Variants in ADAMTS18 observed in about 807,000 individuals in gnomAD.
The protein encoded by ADAMTS18 is A disintegrin and metalloproteinase with thrombospondin motifs 18.
Under a neutral mutation model 165.9 loss-of-function variants are expected in ADAMTS18, and 157 were observed. The observed-to-expected ratio is 0.95, with a 90% confidence interval of 0.83 to 1.08. The LOEUF is 1.08. Among genes scored for constraint, ADAMTS18 ranks in the 50% least tolerant of loss-of-function variants. ADAMTS18 has a pLI of 0.00. For synonymous variants in ADAMTS18, 782 were observed against 578.2 expected (o/e 1.35, Z -5.06); for missense variants, 2,040 against 1,534.0 (o/e 1.33, Z -5.51).
At chr16:77,404,779 A>G (rs1164862464) in intron 3 of ADAMTS18, among the ~76,000 whole-genome samples, 1 of 152,150 alleles carries the variant, frequency 6.6e-6, no homozygotes, top group Non-Finnish European at 1.5e-5. Context: ...AGCTGCAAAG[A>G]TGAGAATAAT....
intron 16 of ADAMTS18, among the ~76,000 whole-genome samples, chr16:77,309,694 C>T (rs28656999): frequency 1.3e-5 from 2 of 152,164 alleles, no homozygotes; most frequent in Non-Finnish European, 2.9e-5. Context: ...GCACTTATTT[C>T]TTGGGGTTAA....
chr16:77,410,292 G>GA (rs11376240), intron 3 of ADAMTS18, among the ~76,000 whole-genome samples: 76,439 of 141,178 alleles, frequency 0.54, 20,167 homozygotes, highest in Middle Eastern at 0.62. Context: ...ACCCAAATTT[G>GA]AAAAAAAAAA....
chr16:77,401,990 G>C (rs184119687), intron 3 of ADAMTS18, among the ~76,000 whole-genome samples: 117 of 152,220 alleles, frequency 7.7e-4, no homozygotes, highest in Non-Finnish European at 1.4e-3. Flanking sequence ...TCGGACTCAG[G>C]TCAAATCACA....
chr16:77,324,866 A>G (rs1415825039), intron 13 of ADAMTS18, among the ~76,000 whole-genome samples: 1 of 152,146 alleles, frequency 6.6e-6, no homozygotes, highest in Non-Finnish European at 1.5e-5. Flanking sequence ...ACTTCCTCCT[A>G]AGACACAGCT....
At chr16:77,297,612 A>G (rs1282707189) in intron 17 of ADAMTS18, among the ~76,000 whole-genome samples, 197 bp from the exon 18 acceptor site, 3 of 152,122 alleles carry the variant, frequency 2.0e-5, no homozygotes, top group African/African-American at 7.2e-5. Flanking sequence ...AATATATTTT[A>G]TATTTTAATA....
chr16:77,285,200 T>G (rs1010138993), intron 22 of ADAMTS18, among the ~76,000 whole-genome samples: 3 of 152,090 alleles, frequency 2.0e-5, no homozygotes, highest in African/African-American at 4.8e-5. Flanking sequence ...GAGATGGAAT[T>G]TTGCTCTTGT....
chr16:77,304,575 G>A (rs982753891), intron 16 of ADAMTS18, among the ~76,000 whole-genome samples: 2 of 152,178 alleles, frequency 1.3e-5, no homozygotes, highest in South Asian at 2.1e-4. Context: ...ACTTGAAAAT[G>A]AGGATCCTCA....
At chr16:77,347,527 T>C (rs1406501221) in intron 10 of ADAMTS18, among the ~76,000 whole-genome samples, 1 of 152,204 alleles carries the variant, frequency 6.6e-6, no homozygotes, top group Admixed American at 6.5e-5. Flanking sequence ...TGCCCCATTA[T>C]AATTTCTTTT....
chr16:77,357,498 T>A (rs1193613237), intron 8 of ADAMTS18, among the ~76,000 whole-genome samples: 3 of 152,162 alleles, frequency 2.0e-5, no homozygotes, highest in African/African-American at 7.2e-5. Flanking sequence ...CCTTTCTAAA[T>A]ATATTTGTGA....
chr16:77,367,262 T>C (rs1264109562), intron 4 of ADAMTS18, among the ~76,000 whole-genome samples, 179 bp downstream of exon 4: 1 of 152,194 alleles, frequency 6.6e-6, no homozygotes, highest in Non-Finnish European at 1.5e-5. Context: ...TTTCCTAGTT[T>C]AACCTAGAAT....
At chr16:77,412,115 G>T (rs1165263739) in intron 3 of ADAMTS18, among the ~76,000 whole-genome samples, 1 of 152,048 alleles carries the variant, frequency 6.6e-6, no homozygotes. Flanking sequence ...CATCCACCAG[G>T]TGGGTCTCAT....
intron 3 of ADAMTS18, among the ~76,000 whole-genome samples, 173 bp from the exon 4 acceptor site, chr16:77,367,896 G>A (rs1328397655): frequency 6.6e-6 from 1 of 151,988 alleles, no homozygotes; most frequent in Non-Finnish European, 1.5e-5. Context: ...TATTATTATT[G>A]AGACAGGTCT....
chr16:77,295,159 G>C, intron 18 of ADAMTS18, 32 bp from the exon 19 acceptor site: 1 of 1,611,638 alleles, frequency 6.2e-7, no homozygotes, highest in Non-Finnish European at 8.5e-7. Context: ...TACCAATGAA[G>C]CCAAACTTTG....
At chr16:77,398,340 C>T (rs938811569) in intron 3 of ADAMTS18, among the ~76,000 whole-genome samples, 30 of 151,702 alleles carry the variant, frequency 2.0e-4, no homozygotes, top group African/African-American at 7.0e-4. Flanking sequence ...ACAACAACAA[C>T]AACAACAAAA....
intron 16 of ADAMTS18, among the ~76,000 whole-genome samples, chr16:77,301,382 A>G (rs532496601): frequency 2.0e-5 from 3 of 152,324 alleles, no homozygotes; most frequent in African/African-American, 7.2e-5. Flanking sequence ...ACACAATGCA[A>G]TGTATCACCT....
At chr16:77,358,987 T>C (rs1266505536) in intron 8 of ADAMTS18, among the ~76,000 whole-genome samples, 3 of 152,218 alleles carry the variant, frequency 2.0e-5, no homozygotes, top group African/African-American at 7.2e-5. Flanking sequence ...TTAATTTTTC[T>C]CCATGATTAC....
chr16:77,335,553 A>G (rs2056295089), intron 12 of ADAMTS18, among the ~76,000 whole-genome samples: 1 of 152,178 alleles, frequency 6.6e-6, no homozygotes, highest in African/African-American at 2.4e-5. Flanking sequence ...GAAGTGATGG[A>G]TACCTCATTA....
In ADAMTS18 at chr16:77,367,731, G is replaced by A. The variant is rs2056819700; in HGVS notation, c.496-8C>T. 1.2e-6 allele frequency: 2 copies of A among 1,614,094 alleles called. No homozygotes were observed. Among genetic ancestry groups the A allele is most frequent in the Non-Finnish European group, 1.7e-6 (2 of 1,180,040 alleles). On this transcript the variant is annotated splice_region_variant and splice_polypyrimidine_tract_variant and intron_variant, in intron 3 of 22. Coordinates refer to ENST00000282849, the MANE Select transcript of ADAMTS18 (RefSeq NM_199355.4). The stretch of plus-strand genomic sequence containing the variant: ...TGTCCTTATTAAACCTGACTAAAAA[G>A]CCAAACACAAAGCAAACAGTCATGA...
At chr16:77,348,865 T>C (rs1011988710) in intron 10 of ADAMTS18, among the ~76,000 whole-genome samples, 1 of 152,136 alleles carries the variant, frequency 6.6e-6, no homozygotes, top group African/African-American at 2.4e-5. Flanking sequence ...TTGAATTGAA[T>C]CTTTAACAAC....
Sources: gnomAD v4.1 joint callset for allele counts (sites outside exome capture counted in the v4.1 genomes callset) on GRCh38, gnomAD v4.1.1 for gene constraint, MANE v1.5 for transcripts, NCBI Gene and HGNC (gene_info 2026-07-23, HGNC 2026-07-21) for gene names.